The following TRPC4 variants were observed in gnomAD, a reference collection of about 807,000 sequenced individuals.
TRPC4 encodes transient receptor potential cation channel subfamily C member 4.
In TRPC4, 49 loss-of-function variants were observed where a neutral mutation model predicts 99.4. The observed-to-expected ratio is 0.49, with a 90% confidence interval of 0.39 to 0.63. The LOEUF is 0.63. TRPC4 is among the 20% of genes least tolerant of loss of function. TRPC4 has a pLI of 0.00. For missense variants in TRPC4, 898 were observed against 1,152.9 expected (o/e 0.78, Z 3.20); for synonymous variants, 454 against 425.9 (o/e 1.07, Z -0.81).
intron 3 of TRPC4, among the ~76,000 whole-genome samples, chr13:37,729,708 A>G (rs1430240167): frequency 1.3e-5 from 2 of 152,178 alleles, no homozygotes; most frequent in East Asian, 1.9e-4. Context: ...CTTTGAGGAC[A>G]TTAGGCTAAG....
intron 3 of TRPC4, among the ~76,000 whole-genome samples, chr13:37,710,717 C>A (rs1381877730): frequency 6.6e-6 from 1 of 151,816 alleles, no homozygotes; most frequent in Admixed American, 6.6e-5. Context: ...AGCTGATGAT[C>A]TTCTTTATGG....
intron 1 of TRPC4, among the ~76,000 whole-genome samples, chr13:37,862,191 G>A (rs1021727713): frequency 2.6e-5 from 4 of 151,414 alleles, no homozygotes; most frequent in East Asian, 1.9e-4. Flanking sequence ...AGAGAAAGGG[G>A]TAGGGTGGTG....
chr13:37,804,907 C>T (rs1957492109), intron 1 of TRPC4, among the ~76,000 whole-genome samples: 2 of 152,112 alleles, frequency 1.3e-5, no homozygotes, highest in South Asian at 4.1e-4. Flanking sequence ...TGTGTCTTAA[C>T]AACTAATAAT....
intron 8 of TRPC4, among the ~76,000 whole-genome samples, chr13:37,646,164 G>A (rs879335760): frequency 2.0e-5 from 3 of 152,152 alleles, no homozygotes; most frequent in Non-Finnish European, 2.9e-5. Flanking sequence ...ACTTAACTGG[G>A]CATATTTCTG....
intron 4 of TRPC4, among the ~76,000 whole-genome samples, chr13:37,681,704 G>A (rs183455243): frequency 1.7e-4 from 26 of 152,282 alleles, no homozygotes; most frequent in African/African-American, 4.8e-4. Flanking sequence ...AGCCTGAAGA[G>A]AACAAAGATT....
intron 1 of TRPC4, among the ~76,000 whole-genome samples, chr13:37,796,210 A>G (rs201865075): frequency 1.3e-5 from 2 of 152,298 alleles, no homozygotes; most frequent in East Asian, 3.9e-4. Flanking sequence ...CAAGAACAAC[A>G]TAATAACAAT....
chr13:37,746,998 G>A (rs1464808128), intron 2 of TRPC4, among the ~76,000 whole-genome samples: 3 of 152,050 alleles, frequency 2.0e-5, no homozygotes, highest in Admixed American at 2.0e-4. Flanking sequence ...AAAAATAAGT[G>A]GGCTGGCCTC....
chr13:37,775,692 TA>T (rs1450793693), intron 2 of TRPC4, among the ~76,000 whole-genome samples: 1 of 151,764 alleles, frequency 6.6e-6, no homozygotes, highest in Non-Finnish European at 1.5e-5. Flanking sequence ...TTTCTCTACC[TA>T]AACATAGAGA....
At chr13:37,702,317 T>G (rs537545880) in intron 3 of TRPC4, among the ~76,000 whole-genome samples, 1 of 152,338 alleles carries the variant, frequency 6.6e-6, no homozygotes, top group East Asian at 1.9e-4. Flanking sequence ...GGTTTGGACA[T>G]TAGCATGTCT....
intron 5 of TRPC4, among the ~76,000 whole-genome samples, chr13:37,668,108 TGTAAA>T (rs1449851848): frequency 6.6e-6 from 1 of 152,214 alleles, no homozygotes; most frequent in African/African-American, 2.4e-5. Flanking sequence ...AGCTCCGTGT[TGTAAA>T]GTAATCCTTT....
intron 1 of TRPC4, among the ~76,000 whole-genome samples, chr13:37,788,117 T>G (rs1957018247): frequency 6.6e-6 from 1 of 152,076 alleles, no homozygotes; most frequent in Non-Finnish European, 1.5e-5. Flanking sequence ...TCTATTACTC[T>G]TTCCCTCTGA....
intron 1 of TRPC4, among the ~76,000 whole-genome samples, chr13:37,798,906 G>C (rs1957321144): frequency 1.3e-5 from 2 of 149,946 alleles, no homozygotes. Flanking sequence ...ATTATAGTGA[G>C]AGACCATCTC....
At chr13:37,655,664 T>C (rs1952203615) in intron 6 of TRPC4, among the ~76,000 whole-genome samples, 1 of 152,064 alleles carries the variant, frequency 6.6e-6, no homozygotes. Context: ...AAAATTCACA[T>C]CTCTATATCC....
chr13:37,700,893 A>G (rs1472634724), intron 3 of TRPC4, among the ~76,000 whole-genome samples: 5 of 152,202 alleles, frequency 3.3e-5, no homozygotes. Context: ...TCCCTGACAA[A>G]AGCTCTGCTG....
chr13:37,698,769 T>C (rs1954005556), intron 3 of TRPC4, among the ~76,000 whole-genome samples: 1 of 152,154 alleles, frequency 6.6e-6, no homozygotes, highest in Non-Finnish European at 1.5e-5. Context: ...AGGCAAAGGA[T>C]GCTAGCTGGC....
At chr13:37,642,298 G>A (rs970270026) in intron 8 of TRPC4, among the ~76,000 whole-genome samples, 13 of 152,148 alleles carry the variant, frequency 8.5e-5, no homozygotes, top group South Asian at 6.2e-4. Flanking sequence ...ATATGTGAGC[G>A]TTGATATAGA....
Position 37,645,937 on chromosome 13 carries a change from C to T in TRPC4, c.2079+5328G>A, listed in dbSNP as rs537845750. Among the ~76,000 whole-genome samples, 161 of 152,296 alleles carry T rather than the reference C, an allele frequency of 1.1e-3. 1 individual carries two copies. The South Asian group carries it at 0.031, about 30-fold the overall frequency. On this transcript the variant is annotated intron_variant, in intron 8 of 10. Transcript: ENST00000379705. ...AAGGCCCTGCCAACAAATCTTGCAG[C>T]AGTAATTTAGGAATCCGGAGACACT...
Position 37,746,195 on chromosome 13 carries a change from G to T in TRPC4, c.639C>A (p.Ser213Arg). The change falls in exon 3 of 11, where the codon AGC becomes AGA. Residue 213 changes from serine (S) to arginine (R), a missense_variant. Physicochemically the swap from Ser to Arg is moderately radical, Grantham distance 110. Coordinates refer to ENST00000379705, the MANE Select transcript of TRPC4 (RefSeq NM_016179.4). ...GAAAGGCTGTGAGAAAAGGATCTTC[G>T]CTTGACAGTGCAATGAGAGAGGGAC... The part of the protein sequence containing the change: ...LASPSLIALS[S>R]EDPFLTAFQL... 1.2e-6 allele frequency: 2 copies of T among 1,613,758 alleles called. No individual in the cohort carries two copies. Among genetic ancestry groups the T allele is most frequent in the Non-Finnish European group, 1.7e-6 (2 of 1,179,856 alleles).
intron 8 of TRPC4, among the ~76,000 whole-genome samples, chr13:37,641,855 G>T (rs1167458785): frequency 2.6e-5 from 4 of 152,026 alleles, no homozygotes; most frequent in African/African-American, 9.7e-5. Flanking sequence ...GAGATTTATG[G>T]CATCTGTTGC....
Sources: allele counts gnomAD v4.1 joint callset (sites outside exome capture counted in the v4.1 genomes callset), GRCh38; gene constraint gnomAD v4.1.1; transcripts MANE v1.5; gene names NCBI Gene and HGNC (gene_info 2026-07-23, HGNC 2026-07-21).